Variants in MAPKAP1 observed in about 807,000 individuals in gnomAD.
MAPKAP1 encodes the protein MAPK associated protein 1, also known as target of rapamycin complex 2 subunit MAPKAP1.
In MAPKAP1, 20 loss-of-function variants were observed where a neutral mutation model predicts 65.7. The ratio of observed to expected loss-of-function variants is 0.30; its 90% confidence interval spans 0.21 to 0.44. MAPKAP1 has a LOEUF of 0.44. Among genes scored for constraint, MAPKAP1 ranks in the 20% least tolerant of loss-of-function variants. The probability of loss-of-function intolerance (pLI) is 1.00; values close to 1 mark genes in which losing one functional copy is unlikely to be tolerated. For synonymous variants in MAPKAP1, 222 were observed against 244.3 expected (o/e 0.91, Z 0.85); for missense variants, 423 against 648.0 (o/e 0.65, Z 3.77).
intron 4 of MAPKAP1, among the ~76,000 whole-genome samples, chr9:125,651,533 G>T (rs1330138187): frequency 1.3e-5 from 2 of 152,138 alleles, no homozygotes; most frequent in African/African-American, 4.8e-5. Context: ...TTGAACCTGG[G>T]AAGCAGGGGC....
Position 125,606,433 on chromosome 9 carries a change from G to C in MAPKAP1, c.499-20706C>G, listed in dbSNP as rs373204363. Among the ~76,000 whole-genome samples the C allele has an allele frequency of 8.5e-5, 13 of 152,266 alleles. 1 individual carries two copies. In the East Asian group the frequency reaches 2.5e-3, roughly 29 times the overall value. On this transcript the variant is annotated intron_variant, in intron 4 of 11. Coordinates refer to ENST00000265960, the MANE Select transcript of MAPKAP1 (RefSeq NM_001006617.3). ...AGAAAAGACCTAGACCCTTAAGCAAGATTGACTCTGACAGGTATTGTGCCT... is the reference window on the plus strand; with the variant it reads ...AGAAAAGACCTAGACCCTTAAGCAACATTGACTCTGACAGGTATTGTGCCT...
intron 4 of MAPKAP1, among the ~76,000 whole-genome samples, chr9:125,626,434 A>C (rs776621694): frequency 2.0e-5 from 3 of 152,226 alleles, no homozygotes; most frequent in Non-Finnish European, 4.4e-5. Context: ...ATGCAGATCC[A>C]ATCTCTTGTT....
intron 5 of MAPKAP1, among the ~76,000 whole-genome samples, chr9:125,564,192 A>G (rs1218556266): frequency 6.6e-6 from 1 of 152,212 alleles, no homozygotes; most frequent in Non-Finnish European, 1.5e-5. Context: ...AAAGGTGAGG[A>G]TGAAAGGGGA....
chr9:125,634,677 A>C (rs749511273), intron 4 of MAPKAP1, among the ~76,000 whole-genome samples: 3 of 152,238 alleles, frequency 2.0e-5, no homozygotes, highest in Non-Finnish European at 1.5e-5. Flanking sequence ...GTATGGATTA[A>C]ATTTCTCCTT....
intron 10 of MAPKAP1, among the ~76,000 whole-genome samples, chr9:125,459,122 T>C (rs371278730): frequency 3.3e-5 from 4 of 120,630 alleles, no homozygotes; most frequent in African/African-American, 6.4e-5. Flanking sequence ...AGAGACGCTC[T>C]TCACCTCCCA....
In MAPKAP1 at chr9:125,438,562, T is replaced by C. The variant is rs1852370603; in HGVS notation, c.*325A>G. 4.8e-6 allele frequency: 2 copies of C among 413,424 alleles called. No individual in the cohort carries two copies. Among genetic ancestry groups the C allele is most frequent in the Admixed American group, 8.5e-5 (2 of 23,530 alleles). 25.6% of individuals were successfully genotyped at this position (413,424 alleles called of 1,614,324 possible). On this transcript the variant is annotated 3_prime_UTR_variant, in exon 12 of 12. Transcript: ENST00000265960. Reference sequence around the variant, plus strand: ...AATTTGATCAAGTTGCAAGGAAATGTGTGGGCACGGCTCTGTACATCCTCG... The same window carrying C: ...AATTTGATCAAGTTGCAAGGAAATGCGTGGGCACGGCTCTGTACATCCTCG...
chr9:125,514,529 G>C (rs890374746), intron 7 of MAPKAP1, among the ~76,000 whole-genome samples: 1 of 152,128 alleles, frequency 6.6e-6, no homozygotes, highest in African/African-American at 2.4e-5. Context: ...GTCAATATTT[G>C]TAGGACCTGA....
intron 1 of MAPKAP1, among the ~76,000 whole-genome samples, chr9:125,701,624 GTGA>G (rs1346506633): frequency 5.3e-5 from 8 of 152,254 alleles, no homozygotes; most frequent in East Asian, 1.9e-4. Context: ...ATCTCAAGAG[GTGA>G]TGATTACCCC....
At chr9:125,691,442 A>T (rs1564618931) in intron 1 of MAPKAP1, among the ~76,000 whole-genome samples, 2 of 152,176 alleles carry the variant, frequency 1.3e-5, no homozygotes, top group Non-Finnish European at 2.9e-5. Flanking sequence ...TTCAGACACA[A>T]TGAGCGGGCT....
At chr9:125,508,390 G>A (rs1654783926) in intron 7 of MAPKAP1, among the ~76,000 whole-genome samples, 1 of 152,138 alleles carries the variant, frequency 6.6e-6, no homozygotes, top group Admixed American at 6.5e-5. Flanking sequence ...CAGAGGAAAG[G>A]GAGTTACCCC....
At chr9:125,561,850 A>G (rs1278712283) in intron 5 of MAPKAP1, among the ~76,000 whole-genome samples, 4 of 152,224 alleles carry the variant, frequency 2.6e-5, no homozygotes, top group Non-Finnish European at 4.4e-5. Context: ...GTCATATGGA[A>G]ACTAACTTAT....
chr9:125,544,142 C>T (rs1216572542), intron 6 of MAPKAP1, among the ~76,000 whole-genome samples: 1 of 152,114 alleles, frequency 6.6e-6, no homozygotes, highest in African/African-American at 2.4e-5. Flanking sequence ...TCTCCAGGAG[C>T]TGAGATTACA....
chr9:125,517,990 C>A (rs1284581120), intron 7 of MAPKAP1, among the ~76,000 whole-genome samples: 4 of 152,170 alleles, frequency 2.6e-5, no homozygotes, highest in Non-Finnish European at 4.4e-5. Context: ...TCTGTCTTCC[C>A]AGGGCTTCAG....
Position 125,438,553 on chromosome 9 carries a change from A to G in MAPKAP1, c.*334T>C. On this transcript the variant is annotated 3_prime_UTR_variant, in exon 12 of 12. Coordinates refer to ENST00000265960, the MANE Select transcript of MAPKAP1 (RefSeq NM_001006617.3). ...GCTTTAAGAAATTTGATCAAGTTGC[A>G]AGGAAATGTGTGGGCACGGCTCTGT... 1 of 411,416 alleles carries G rather than the reference A, an allele frequency of 2.4e-6. No individual in the cohort carries two copies. The highest frequency in any genetic ancestry group is 4.3e-5 in the Admixed American group (1 of 23,436). 25.5% of individuals were successfully genotyped at this position (411,416 alleles called of 1,614,324 possible). A position where few individuals can be genotyped will look rare whatever the true frequency, so the allele number is the denominator to read the frequency against.
intron 4 of MAPKAP1, among the ~76,000 whole-genome samples, chr9:125,617,419 C>T (rs1009891989): frequency 6.6e-6 from 1 of 152,172 alleles, no homozygotes; most frequent in Non-Finnish European, 1.5e-5. Context: ...CATGATCATG[C>T]CACTGCACTC....
chr9:125,636,466 T>C (rs1300855093), intron 4 of MAPKAP1, among the ~76,000 whole-genome samples: 1 of 152,186 alleles, frequency 6.6e-6, no homozygotes, highest in Non-Finnish European at 1.5e-5. Context: ...ACCTAACAAC[T>C]CTGTAACTGT....
At chr9:125,514,945 G>A (rs1163262869) in intron 7 of MAPKAP1, among the ~76,000 whole-genome samples, 5 of 152,124 alleles carry the variant, frequency 3.3e-5, no homozygotes, top group African/African-American at 1.2e-4. Context: ...TCTGCATTTA[G>A]TGTCAGCTCC....
intron 7 of MAPKAP1, among the ~76,000 whole-genome samples, chr9:125,531,390 A>C (rs1042479942): frequency 5.9e-5 from 9 of 152,212 alleles, no homozygotes; most frequent in Non-Finnish European, 4.4e-5. Flanking sequence ...TTAAGGATTA[A>C]AGTGTAATGG....
chr9:125,659,580 T>G (rs1834127054), intron 3 of MAPKAP1, among the ~76,000 whole-genome samples: 1 of 152,046 alleles, frequency 6.6e-6, no homozygotes, highest in African/African-American at 2.4e-5. Context: ...AGGCCAGCCC[T>G]TCCCTTGTGC....
Sources: allele counts gnomAD v4.1 joint callset (sites outside exome capture counted in the v4.1 genomes callset), GRCh38; gene constraint gnomAD v4.1.1; transcripts MANE v1.5; gene names NCBI Gene and HGNC (gene_info 2026-07-23, HGNC 2026-07-21).